Variants in AKT3 observed in about 807,000 individuals in gnomAD.
AKT3 encodes RAC-gamma serine/threonine-protein kinase.
Under a neutral mutation model 65.3 loss-of-function variants are expected in AKT3, and 15 were observed. The ratio of observed to expected loss-of-function variants is 0.23; its 90% CI spans 0.15 to 0.35. The LOEUF (loss-of-function observed/expected upper bound fraction) is 0.35, where lower values mean the gene tolerates loss of function less well. AKT3 is among the 10% of genes least tolerant of loss of function. The probability of loss-of-function intolerance (pLI) is 1.00; values close to 1 mark genes in which losing one functional copy is unlikely to be tolerated. For synonymous variants in AKT3, 206 were observed against 183.8 expected, an observed-to-expected ratio of 1.12 and a Z score of -0.98; for missense variants, 243 against 576.5, an observed-to-expected ratio of 0.42 and a Z score of 5.92.
At chr1:243,669,231 T>C (rs866732226) in intron 3 of AKT3, among the ~76,000 whole-genome samples, 1 of 152,174 alleles carries the variant, frequency 6.6e-6, no homozygotes, top group African/African-American at 2.4e-5. Context: ...GTGTGCACAG[T>C]TCTTCTTATA....
At chr1:243,609,995 T>A (rs901437917) in intron 8 of AKT3, among the ~76,000 whole-genome samples, 3 of 152,196 alleles carry the variant, frequency 2.0e-5, no homozygotes, top group African/African-American at 7.2e-5. Flanking sequence ...GTATTATTTT[T>A]GTACCCTTTC....
chr1:243,722,830 AG>A (rs1463981794), intron 2 of AKT3, among the ~76,000 whole-genome samples: 3 of 152,224 alleles, frequency 2.0e-5, no homozygotes, highest in Non-Finnish European at 4.4e-5. Context: ...AACCCTGTCT[AG>A]GAAGCAATTA....
chr1:243,818,282 T>C (rs945437791), intron 2 of AKT3: 1 of 152,192 alleles, frequency 6.6e-6, no homozygotes, highest in Non-Finnish European at 1.5e-5. Context: ...ACAATAACCT[T>C]CATGAGGTAG....
intron 6 of AKT3, among the ~76,000 whole-genome samples, chr1:243,624,026 G>A (rs1462916912): frequency 3.3e-5 from 5 of 152,132 alleles, no homozygotes; most frequent in Non-Finnish European, 5.9e-5. Flanking sequence ...ATAACCATGA[G>A]TCTTTTCTGA....
rs1157751109 is a variant in AKT3 at position 243,503,517 on chromosome 1, G to C, written c.*1732C>G. 1.7e-5 allele frequency: 4 copies of C among 233,000 alleles called. No individual in the cohort carries two copies. The highest frequency in any genetic ancestry group is 1.8e-4 in the South Asian group (1 of 5,508). 14.4% of individuals were successfully genotyped at this position (233,000 alleles called of 1,614,324 possible). A position where few individuals can be genotyped will look rare whatever the true frequency, so the allele number is the denominator to read the frequency against. Reference sequence around the variant, plus strand: ...GGAGTAGGATGGCCTTCTGCTTGCCGCAAGAGTGGCCCCCAGCCCCTAGGA... The same window carrying C: ...GGAGTAGGATGGCCTTCTGCTTGCCCCAAGAGTGGCCCCCAGCCCCTAGGA... On this transcript the variant is annotated 3_prime_UTR_variant, in exon 14 of 14. Coordinates refer to ENST00000673466, the MANE Select transcript of AKT3 (RefSeq NM_005465.7).
intron 3 of AKT3, among the ~76,000 whole-genome samples, chr1:243,677,064 A>T (rs1349380270): frequency 6.6e-6 from 1 of 152,224 alleles, no homozygotes; most frequent in Non-Finnish European, 1.5e-5. Context: ...AAAGTTTCAA[A>T]CTGTATTCCT....
At chr1:243,636,534 G>C (rs1679985458) in intron 6 of AKT3, among the ~76,000 whole-genome samples, 1 of 151,944 alleles carries the variant, frequency 6.6e-6, no homozygotes, top group Non-Finnish European at 1.5e-5. Context: ...TTCCTGTCCA[G>C]AGGTTTTATT....
At chr1:243,831,813 C>G (rs367941682) in intron 2 of AKT3, among the ~76,000 whole-genome samples, 14 of 152,002 alleles carry the variant, frequency 9.2e-5, no homozygotes, top group African/African-American at 1.5e-4. Context: ...CCCCTCCCCC[C>G]CAACAAGATA....
At chr1:243,674,353 A>G (rs1269809006) in intron 3 of AKT3, among the ~76,000 whole-genome samples, 1 of 152,228 alleles carries the variant, frequency 6.6e-6, no homozygotes, top group African/African-American at 2.4e-5. Context: ...CCAGTGAACA[A>G]TGATAGCATT....
intron 2 of AKT3, among the ~76,000 whole-genome samples, chr1:243,795,202 A>C (rs953010799): frequency 2.7e-5 from 4 of 150,184 alleles, no homozygotes; most frequent in African/African-American, 9.8e-5. Flanking sequence ...TTGTTTGCTC[A>C]TATTTAAGAA....
downstream of AKT3, among the ~76,000 whole-genome samples, chr1:243,497,854 AT>A (rs1558559876): frequency 6.6e-6 from 1 of 151,700 alleles, no homozygotes; most frequent in African/African-American, 2.4e-5. Flanking sequence ...AATTTTTACA[AT>A]TTTTTTTGTA....
intron 10 of AKT3, among the ~76,000 whole-genome samples, chr1:243,556,512 T>C (rs1673418866): frequency 6.6e-6 from 1 of 152,046 alleles, no homozygotes; most frequent in Non-Finnish European, 1.5e-5. Context: ...GGCAAGCAAT[T>C]ATAAGGAGGC....
At chr1:243,529,187 T>C (rs1437215677) in intron 12 of AKT3, among the ~76,000 whole-genome samples, 1 of 151,398 alleles carries the variant, frequency 6.6e-6, no homozygotes, top group East Asian at 1.9e-4. Context: ...AAATTCCTTA[T>C]AGATTCTGAA....
intron 3 of AKT3, among the ~76,000 whole-genome samples, chr1:243,675,538 C>T (rs1208634539): frequency 1.3e-5 from 2 of 152,190 alleles, no homozygotes; most frequent in African/African-American, 4.8e-5. Context: ...TTAAATGCTG[C>T]TCCTCTTCCC....
intron 11 of AKT3, among the ~76,000 whole-genome samples, chr1:243,547,231 T>C (rs906058542): frequency 2.6e-5 from 4 of 152,132 alleles, no homozygotes; most frequent in African/African-American, 7.2e-5. Flanking sequence ...AGCAAACCAT[T>C]ATATATTATG....
chr1:243,686,095 GAA>G (rs1684270501), intron 3 of AKT3, among the ~76,000 whole-genome samples: 1 of 152,088 alleles, frequency 6.6e-6, no homozygotes, highest in Non-Finnish European at 1.5e-5. Flanking sequence ...ACTGCTCAAG[GAA>G]ATAAGAGAGG....
intron 2 of AKT3, among the ~76,000 whole-genome samples, chr1:243,746,684 A>G (rs955568758): frequency 2.6e-5 from 4 of 152,230 alleles, no homozygotes; most frequent in Non-Finnish European, 5.9e-5. Flanking sequence ...TGCATATTCA[A>G]TGCTTTCATA....
intron 2 of AKT3, among the ~76,000 whole-genome samples, chr1:243,790,082 G>T (rs1020445324): frequency 5.3e-5 from 8 of 152,134 alleles, no homozygotes; most frequent in African/African-American, 1.9e-4. Context: ...TTTTTGGAAT[G>T]GTAAAGGAGC....
In AKT3 at chr1:243,588,995, G is replaced by T. The variant is rs1337730634; in HGVS notation, c.697-15947C>A. Among the ~76,000 whole-genome samples the T allele has an allele frequency of 2.0e-5, 3 of 151,968 alleles. No individual in the cohort carries two copies. In the East Asian group the frequency reaches 5.8e-4, roughly 29 times the overall value. The stretch of plus-strand genomic sequence containing the variant: ...TACTTGCAAATAATATATCTGATAA[G>T]AGGTCAATATCCCAAATATATACAA... On this transcript the variant is annotated intron_variant, in intron 8 of 13. Coordinates refer to ENST00000673466, the MANE Select transcript of AKT3 (RefSeq NM_005465.7).
Sources: gnomAD v4.1 joint callset for allele counts (sites outside exome capture counted in the v4.1 genomes callset) on GRCh38, gnomAD v4.1.1 for gene constraint, MANE v1.5 for transcripts, NCBI Gene and HGNC (gene_info 2026-07-23, HGNC 2026-07-21) for gene names.